Variants in MAGI3 observed in about 807,000 individuals in gnomAD.
MAGI3 encodes membrane associated guanylate kinase, WW and PDZ domain containing 3, also known as membrane-associated guanylate kinase, WW and PDZ domain-containing protein 3.
MAGI3 carries 43 observed loss-of-function variants against 121.8 expected under a neutral mutation model. That is an observed-to-expected ratio of 0.35 (90% CI 0.28 to 0.46). The LOEUF (loss-of-function observed/expected upper bound fraction) is 0.46, where lower values mean the gene tolerates loss of function less well. Ranked by LOEUF, MAGI3 falls within the 20% of genes least tolerant of loss-of-function variation. The pLI, the probability that MAGI3 is intolerant of heterozygous loss-of-function variation, is 1.00. For synonymous variants in MAGI3, 553 were observed against 639.3 expected (o/e 0.86, Z 2.04); for missense variants, 1,547 against 1,797.3 (o/e 0.86, Z 2.52).
chr1:113,579,980 G>A lies in MAGI3; in HGVS notation c.434-562G>A, dbSNP rs561340976. ...GTTTAGTAAAATTCAGTCAAATGTAGCAATGCTGCCATAACCTGAATTTAC... is the reference window on the plus strand; with the variant it reads ...GTTTAGTAAAATTCAGTCAAATGTAACAATGCTGCCATAACCTGAATTTAC... On this transcript the variant is annotated intron_variant, in intron 2 of 20. Transcript: ENST00000307546. Among the ~76,000 whole-genome samples, 3 of 152,144 alleles carry A rather than the reference G, an allele frequency of 2.0e-5. No individual in the cohort carries two copies. The East Asian group carries it at 5.8e-4, about 29-fold the overall frequency.
At chr1:113,587,416 G>A (rs1400530593) in intron 4 of MAGI3, among the ~76,000 whole-genome samples, 3 of 152,094 alleles carry the variant, frequency 2.0e-5, no homozygotes, top group Non-Finnish European at 4.4e-5. Context: ...AGCTGGTCTC[G>A]AACTCCTGGC....
intron 1 of MAGI3, among the ~76,000 whole-genome samples, chr1:113,429,072 G>A (rs1224996717): frequency 6.6e-6 from 1 of 152,058 alleles, no homozygotes; most frequent in Admixed American, 6.5e-5. Flanking sequence ...TGTAATTACT[G>A]TCACTTTATC....
intron 1 of MAGI3, among the ~76,000 whole-genome samples, chr1:113,410,040 A>G (rs1305413767): frequency 6.6e-6 from 1 of 152,060 alleles, no homozygotes; most frequent in Admixed American, 6.6e-5. Context: ...GTCTTTTATC[A>G]CCACATTTCT....
At chr1:113,522,728 G>A (rs1315381823) in intron 1 of MAGI3, among the ~76,000 whole-genome samples, 1 of 152,072 alleles carries the variant, frequency 6.6e-6, no homozygotes, top group Admixed American at 6.5e-5. Flanking sequence ...CATACCCTTT[G>A]CTTGAACTAA....
At chr1:113,557,571 T>G (rs1251024022) in intron 2 of MAGI3, among the ~76,000 whole-genome samples, 1 of 151,822 alleles carries the variant, frequency 6.6e-6, no homozygotes. Context: ...GAGCTCCAAT[T>G]TCTCCCTGGG....
chr1:113,404,913 T>C (rs1004588746), intron 1 of MAGI3, among the ~76,000 whole-genome samples: 2 of 152,190 alleles, frequency 1.3e-5, no homozygotes, highest in Admixed American at 6.5e-5. Flanking sequence ...CTTGGAATTA[T>C]ATGAAATTAC....
chr1:113,549,670 G>C, intron 2 of MAGI3, 39 bp downstream of exon 2: 1 of 1,167,242 alleles, frequency 8.6e-7, no homozygotes, highest in Non-Finnish European at 1.3e-6. Context: ...AAGCAGAAAT[G>C]TCCTTTCTTA....
At chr1:113,611,934 A>AATTTATTTATTT (rs1650167196) in intron 6 of MAGI3, among the ~76,000 whole-genome samples, 2 of 60,762 alleles carry the variant, frequency 3.3e-5, no homozygotes, top group African/African-American at 1.5e-4. Context: ...CCCTAATCCC[A>AATTTATTTATTT]ACTTATTTAT....
At chr1:113,425,050 T>G (rs571496564) in intron 1 of MAGI3, among the ~76,000 whole-genome samples, 1 of 151,860 alleles carries the variant, frequency 6.6e-6, no homozygotes, top group South Asian at 2.1e-4. Context: ...TCCCAGCTAC[T>G]TAGGAGGCTG....
At chr1:113,406,042 A>G (rs1220257741) in intron 1 of MAGI3, among the ~76,000 whole-genome samples, 1 of 152,006 alleles carries the variant, frequency 6.6e-6, no homozygotes, top group Non-Finnish European at 1.5e-5. Flanking sequence ...GCCTGGCCTC[A>G]AGATAGATAA....
intron 18 of MAGI3, among the ~76,000 whole-genome samples, chr1:113,673,095 C>A (rs1244250623): frequency 1.3e-5 from 2 of 152,192 alleles, no homozygotes; most frequent in African/African-American, 4.8e-5. Flanking sequence ...CTGATTGTTG[C>A]ATTGCACATT....
chr1:113,567,613 A>G (rs1457558371), intron 2 of MAGI3, among the ~76,000 whole-genome samples: 1 of 152,136 alleles, frequency 6.6e-6, no homozygotes, highest in East Asian at 1.9e-4. Flanking sequence ...GGTTCAACAT[A>G]TAAGACTCAG....
intron 16 of MAGI3, among the ~76,000 whole-genome samples, chr1:113,662,755 G>T (rs931550008): frequency 6.6e-6 from 1 of 152,050 alleles, no homozygotes; most frequent in Non-Finnish European, 1.5e-5. Flanking sequence ...TTTGAGTTAC[G>T]TAAATGTTAT....
At chr1:113,469,346 T>C (rs1387373953) in intron 1 of MAGI3, among the ~76,000 whole-genome samples, 2 of 152,188 alleles carry the variant, frequency 1.3e-5, no homozygotes, top group Non-Finnish European at 2.9e-5. Context: ...TCCATAATTA[T>C]CACTTTCAAA....
At position 113,683,823 on chromosome 1, in the gene MAGI3, G is replaced by GTAGT; in HGVS notation, c.4257_4260dup (p.Asn1422PhefsTer16). On this transcript the variant is annotated frameshift_variant, in exon 21 of 21. Transcript: ENST00000307546. LOFTEE classifies it low-confidence loss of function (END_TRUNC). ...GCTGAAGCAAGAACCTGAAGAGAAGGTAGTTTCAAACAAAACAGAAGATCA... is the reference window on the plus strand; with the variant it reads ...GCTGAAGCAAGAACCTGAAGAGAAGGTAGTTAGTTTCAAACAAAACAGAAGATCA... The GTAGT allele has an allele frequency of 1.2e-6, 2 of 1,611,366 alleles. No individual in the cohort carries two copies. The highest frequency in any genetic ancestry group is 1.7e-6 in the Non-Finnish European group (2 of 1,178,734).
chr1:113,399,797 A>G (rs1231546354), intron 1 of MAGI3, among the ~76,000 whole-genome samples: 1 of 152,144 alleles, frequency 6.6e-6, no homozygotes, highest in Non-Finnish European at 1.5e-5. Flanking sequence ...TGAGAAAAAT[A>G]TTATTAGCCT....
At chr1:113,596,719 T>C (rs1649031661) in intron 6 of MAGI3, among the ~76,000 whole-genome samples, 2 of 151,972 alleles carry the variant, frequency 1.3e-5, no homozygotes. Context: ...TGAAAAGATA[T>C]TTAAAATTAT....
chr1:113,507,265 A>G (rs971311153), intron 1 of MAGI3, among the ~76,000 whole-genome samples: 4 of 152,158 alleles, frequency 2.6e-5, no homozygotes, highest in Non-Finnish European at 4.4e-5. Context: ...ACTAGTATAT[A>G]TGTACTGTAA....
intron 2 of MAGI3, among the ~76,000 whole-genome samples, chr1:113,549,944 C>T (rs1270025931): frequency 1.3e-5 from 2 of 151,136 alleles, no homozygotes; most frequent in African/African-American, 4.9e-5. Context: ...TGTGAAACCT[C>T]ATCTCTACTA....
Sources: gnomAD v4.1 joint callset for allele counts (sites outside exome capture counted in the v4.1 genomes callset) on GRCh38, gnomAD v4.1.1 for gene constraint, MANE v1.5 for transcripts, NCBI Gene and HGNC (gene_info 2026-07-23, HGNC 2026-07-21) for gene names.